The following OPCML variants were observed in gnomAD, a reference collection of about 807,000 sequenced individuals.
The protein encoded by OPCML is opioid-binding protein/cell adhesion molecule.
Under a neutral mutation model 37.8 loss-of-function variants are expected in OPCML, and 13 were observed. That is an observed-to-expected ratio of 0.34 (90% confidence interval 0.22 to 0.55). The LOEUF is 0.55. OPCML is among the 20% of genes least tolerant of loss of function. The pLI, the probability that OPCML is intolerant of heterozygous loss-of-function variation, is 0.91. For missense variants in OPCML, 341 were observed against 435.6 expected, an observed-to-expected ratio of 0.78 and a Z score of 1.93; for synonymous variants, 176 against 168.8, an observed-to-expected ratio of 1.04 and a Z score of -0.33.
chr11:133,013,973 C>T (rs1591911841), intron 1 of OPCML, among the ~76,000 whole-genome samples: 1 of 152,170 alleles, frequency 6.6e-6, no homozygotes, highest in East Asian at 1.9e-4. Context: ...CATAGATTTA[C>T]AAAGACAAAA....
intron 1 of OPCML, among the ~76,000 whole-genome samples, chr11:133,267,057 A>G (rs943659895): frequency 2.0e-5 from 3 of 152,192 alleles, no homozygotes; most frequent in Admixed American, 2.0e-4. Flanking sequence ...TTGGGCAGAT[A>G]AATAGTTGTT....
At chr11:132,716,400 A>G (rs61908963) in intron 2 of OPCML, among the ~76,000 whole-genome samples, 9 of 45,986 alleles carry the variant, frequency 2.0e-4, no homozygotes, top group East Asian at 2.7e-3. Flanking sequence ...TTATCTATCT[A>G]TCTATCTGTC....
At chr11:132,638,909 ACT>A (rs754053660) in intron 3 of OPCML, among the ~76,000 whole-genome samples, 4 of 151,422 alleles carry the variant, frequency 2.6e-5, no homozygotes, top group South Asian at 2.1e-4. Context: ...CGTCAATTAA[ACT>A]CTTTCTCTAC....
chr11:133,426,224 G>C (rs1423768255), intron 1 of OPCML, among the ~76,000 whole-genome samples: 4 of 152,146 alleles, frequency 2.6e-5, no homozygotes, highest in Non-Finnish European at 5.9e-5. Context: ...ACTCAGACCA[G>C]ATAAGGTTCT....
At chr11:132,825,882 C>T (rs1940294625) in intron 2 of OPCML, among the ~76,000 whole-genome samples, 1 of 152,174 alleles carries the variant, frequency 6.6e-6, no homozygotes, top group Non-Finnish European at 1.5e-5. Context: ...GGTCACTGCC[C>T]AGTCAATTAC....
At chr11:133,413,484 A>AAAAT (rs1044754837) in intron 1 of OPCML, among the ~76,000 whole-genome samples, 219 of 149,820 alleles carry the variant, frequency 1.5e-3, no homozygotes, top group African/African-American at 4.9e-3. Flanking sequence ...ATAATAATAA[A>AAAAT]AAATAAATAA....
chr11:132,607,713 T>C (rs1938393799), intron 3 of OPCML, among the ~76,000 whole-genome samples: 1 of 152,214 alleles, frequency 6.6e-6, no homozygotes, highest in Non-Finnish European at 1.5e-5. Flanking sequence ...ATTTGTCTCA[T>C]CTAAGTTTCA....
rs1176213002 is a variant in OPCML at position 132,420,069 on chromosome 11, G to A, written c.*124C>T. 421 of 454,156 alleles carry A rather than the reference G, an allele frequency of 9.3e-4. No individual in the cohort carries two copies. The highest frequency in any genetic ancestry group is 4.5e-3 in the South Asian group (119 of 26,714). The allele number at this position is 454,156 out of a possible 1,614,324, so 28.1% of individuals were successfully genotyped here. Reference sequence around the variant, plus strand: ...ACAAACAAATAAACAAAAACAAAAAGAAAACAAATCTAGAATAACAGAAAA... The same window carrying A: ...ACAAACAAATAAACAAAAACAAAAAAAAAACAAATCTAGAATAACAGAAAA... On this transcript the variant is annotated 3_prime_UTR_variant, in exon 8 of 8. Transcript: ENST00000524381.
chr11:132,982,125 C>T (rs945742904), intron 1 of OPCML, among the ~76,000 whole-genome samples: 3 of 152,178 alleles, frequency 2.0e-5, no homozygotes, highest in African/African-American at 4.8e-5. Flanking sequence ...AATCTCCAGA[C>T]CAATTCGGCT....
intron 2 of OPCML, among the ~76,000 whole-genome samples, chr11:132,759,398 T>A (rs1946180703): frequency 6.6e-6 from 1 of 152,206 alleles, no homozygotes; most frequent in Non-Finnish European, 1.5e-5. Context: ...TTTGCACCTC[T>A]GGTAGAATTT....
At chr11:132,651,583 T>C (rs1233362124) in intron 3 of OPCML, among the ~76,000 whole-genome samples, 1 of 152,224 alleles carries the variant, frequency 6.6e-6, no homozygotes, top group African/African-American at 2.4e-5. Context: ...GTGGATATTC[T>C]GTAGAGTGGA....
intron 1 of OPCML, chr11:133,300,341 T>C (rs1942747199): frequency 6.7e-6 from 1 of 148,486 alleles, no homozygotes; most frequent in African/African-American, 2.5e-5. Flanking sequence ...GTGAACTCTA[T>C]ATTCAAGGCA....
intron 1 of OPCML, chr11:133,118,365 G>A (rs1949368577): frequency 1.0e-6 from 1 of 985,324 alleles, no homozygotes; most frequent in South Asian, 4.7e-5. Flanking sequence ...TTGTTTAACG[G>A]TGAGAGTTAT....
intron 7 of OPCML, among the ~76,000 whole-genome samples, chr11:132,428,024 C>A (rs547198549): frequency 1.3e-5 from 2 of 152,174 alleles, no homozygotes; most frequent in Middle Eastern, 3.2e-3. Flanking sequence ...AAATCATACA[C>A]GTTATCAGCA....
intron 2 of OPCML, among the ~76,000 whole-genome samples, chr11:132,686,417 T>G (rs1366224711): frequency 6.6e-6 from 1 of 152,224 alleles, no homozygotes; most frequent in East Asian, 1.9e-4. Flanking sequence ...CTCACTGCAG[T>G]CTACAGAAAC....
In OPCML at chr11:133,514,485, G is replaced by A. The variant is rs542427935; in HGVS notation, c.61+17779C>T. 7.2e-5 allele frequency among the ~76,000 whole-genome samples: 11 copies of A among 152,282 alleles called. No individual in the cohort carries two copies. In the South Asian group the frequency reaches 1.2e-3, roughly 17 times the overall value. Reference sequence around the variant, plus strand: ...TCGTCTGGAGTGCTTGGCATCTGCCGTTACTTAAATCATTGCAGGGAGATA... The same window carrying A: ...TCGTCTGGAGTGCTTGGCATCTGCCATTACTTAAATCATTGCAGGGAGATA... On this transcript the variant is annotated intron_variant, in intron 1 of 7. Transcript: ENST00000524381.
At chr11:133,279,927 G>A (rs1276681410) in intron 1 of OPCML, among the ~76,000 whole-genome samples, 1 of 152,170 alleles carries the variant, frequency 6.6e-6, no homozygotes, top group Admixed American at 6.5e-5. Context: ...TAATGATAGA[G>A]GCAATACATG....
chr11:132,619,796 G>A (rs1438890240), intron 3 of OPCML, among the ~76,000 whole-genome samples: 13 of 146,450 alleles, frequency 8.9e-5, no homozygotes, highest in Non-Finnish European at 1.3e-4. Flanking sequence ...AGCTTGCAGC[G>A]AGCGGAGATC....
intron 1 of OPCML, among the ~76,000 whole-genome samples, chr11:133,112,300 AAAAAAAAAAAG>A (rs1328738884): frequency 3.1e-4 from 46 of 146,668 alleles, no homozygotes; most frequent in Non-Finnish European, 5.4e-4. Context: ...AAAAAAAAAA[AAAAAAAAAAAG>A]GGGAAAGAAA....
Sources: allele counts gnomAD v4.1 joint callset (sites outside exome capture counted in the v4.1 genomes callset), GRCh38; gene constraint gnomAD v4.1.1; transcripts MANE v1.5; gene names NCBI Gene and HGNC (gene_info 2026-07-23, HGNC 2026-07-21).